The following GSE1 variants were observed in gnomAD, a reference collection of about 807,000 sequenced individuals.
The protein encoded by GSE1 is Gse1 coiled-coil protein.
Under a neutral mutation model 112.6 loss-of-function variants are expected in GSE1, and 32 were observed. That is an observed-to-expected ratio of 0.28 (90% confidence interval 0.21 to 0.38). GSE1 has a LOEUF of 0.38. Among genes scored for constraint, GSE1 ranks in the 10% least tolerant of loss-of-function variants. The pLI, the probability that GSE1 is intolerant of heterozygous loss-of-function variation, is 1.00. For synonymous variants in GSE1, 1,115 were observed against 735.6 expected, an observed-to-expected ratio of 1.52 and a Z score of -8.35; for missense variants, 2,348 against 1,699.2, an observed-to-expected ratio of 1.38 and a Z score of -6.71.
chr16:85,308,035 G>A (rs1018822268), intron 1 of GSE1, among the ~76,000 whole-genome samples: 2 of 152,202 alleles, frequency 1.3e-5, no homozygotes, highest in African/African-American at 2.4e-5. Context: ...TGCCGGCAGC[G>A]TGGACAGCTT....
At chr16:85,388,033 T>TGGATGAAC (rs1299642460) in intron 2 of GSE1, among the ~76,000 whole-genome samples, 15 of 81,312 alleles carry the variant, frequency 1.8e-4, no homozygotes, top group Non-Finnish European at 3.0e-4. Flanking sequence ...GATGGATGGA[T>TGGATGAAC]GAACAGATGG....
intron 2 of GSE1, among the ~76,000 whole-genome samples, chr16:85,359,661 A>T (rs1183887481): frequency 6.6e-6 from 1 of 152,186 alleles, no homozygotes; most frequent in East Asian, 1.9e-4. Flanking sequence ...GTCCTCCTCC[A>T]TCAGTGAAAC....
chr16:85,610,371 G>T (rs575036907), upstream of GSE1, among the ~76,000 whole-genome samples: 1 of 152,228 alleles, frequency 6.6e-6, no homozygotes, highest in Non-Finnish European at 1.5e-5. Context: ...CTATCTGGGG[G>T]CGCGGGGCTG....
intron 2 of GSE1, among the ~76,000 whole-genome samples, chr16:85,547,144 C>T (rs987525039): frequency 2.0e-5 from 3 of 152,188 alleles, no homozygotes; most frequent in Non-Finnish European, 4.4e-5. Context: ...CCAGCTGTGG[C>T]CCAAGGCATG....
intron 1 of GSE1, among the ~76,000 whole-genome samples, chr16:85,335,762 A>G (rs2046469187): frequency 6.6e-6 from 1 of 152,178 alleles, no homozygotes; most frequent in Admixed American, 6.5e-5. Context: ...AGCCATGTCC[A>G]TTTCGGAGTT....
intron 1 of GSE1, among the ~76,000 whole-genome samples, chr16:85,172,884 G>A (rs751258144): frequency 2.0e-4 from 30 of 152,212 alleles, no homozygotes; most frequent in Non-Finnish European, 3.8e-4. Flanking sequence ...GGCTGCACCC[G>A]GGAAGTGCGC....
rs148663856 is a variant in GSE1 at position 85,317,771 on chromosome 16, G to A, written c.2284-39692G>A. On this transcript the variant is annotated intron_variant, in intron 1 of 2. Coordinates refer to the GSE1 transcript ENST00000637419. ...CTTTCCTGCCGCGCTGCCCACCAGT[G>A]TATCCAGCACTCCCCTCCTAAGTGT... Among the ~76,000 whole-genome samples, 424 of 152,296 alleles carry A rather than the reference G, an allele frequency of 2.8e-3. 2 individuals carry two copies. The highest frequency in any genetic ancestry group is 9.7e-3 in the African/African-American group (404 of 41,564).
chr16:85,517,094 G>A (rs1333711994), intron 2 of GSE1, among the ~76,000 whole-genome samples: 2 of 152,234 alleles, frequency 1.3e-5, no homozygotes, highest in Admixed American at 6.5e-5. Flanking sequence ...ACCGCGCCCG[G>A]CCATGTCTTG....
rs534379088 is a variant in GSE1, at chr16:85,180,652, T to C, written c.2283+8845T>C. On this transcript the variant is annotated intron_variant, in intron 1 of 2. Transcript: ENST00000637419. ...TGGAGGCACAGAGAGGTTAAGTCAC[T>C]TGCCCAAAGTCACACAGTGGGGAAG... Among the ~76,000 whole-genome samples, 5 of 152,290 alleles carry C rather than the reference T, an allele frequency of 3.3e-5. No homozygotes were observed. In the East Asian group the frequency reaches 9.7e-4, roughly 29 times the overall value.
intron 1 of GSE1, among the ~76,000 whole-genome samples, chr16:85,575,800 G>A (rs1325580298): frequency 1.3e-5 from 2 of 151,922 alleles, no homozygotes; most frequent in Admixed American, 1.3e-4. Flanking sequence ...CTGCTTAATT[G>A]TAGAGATCGC....
intron 1 of GSE1, among the ~76,000 whole-genome samples, chr16:85,238,647 G>T (rs941471005): frequency 6.6e-6 from 1 of 152,202 alleles, no homozygotes; most frequent in African/African-American, 2.4e-5. Flanking sequence ...CGGAGCTGGG[G>T]TAGAGGAAGG....
intron 1 of GSE1, among the ~76,000 whole-genome samples, chr16:85,599,806 A>G (rs1478380471): frequency 1.3e-5 from 2 of 152,188 alleles, no homozygotes; most frequent in Admixed American, 1.3e-4. Flanking sequence ...AAGCTGAGGC[A>G]GGAGGATTAC....
Position 85,399,741 on chromosome 16 carries a change from G to A in GSE1, c.2464+42098G>A, listed in dbSNP as rs577960912. On this transcript the variant is annotated intron_variant, in intron 2 of 2. Transcript: ENST00000637419. The stretch of plus-strand genomic sequence containing the variant: ...ACGGGCAAGGATACCTACACTTGGC[G>A]GGGTGCACATTCTGCTGAGTTCGGG... Among the ~76,000 whole-genome samples, 231 of 152,362 alleles carry A rather than the reference G, an allele frequency of 1.5e-3. 4 individuals are homozygous for A. The highest frequency in any genetic ancestry group is 0.015 in the South Asian group (72 of 4,832).
chr16:85,616,125 C>T (rs1372660563), intron 1 of GSE1, among the ~76,000 whole-genome samples: 1 of 152,254 alleles, frequency 6.6e-6, no homozygotes, highest in Admixed American at 6.5e-5. Flanking sequence ...TGCACAGCGC[C>T]ACTCTGTGGC....
chr16:85,564,743 G>A (rs2045665339), intron 1 of GSE1, among the ~76,000 whole-genome samples: 1 of 152,196 alleles, frequency 6.6e-6, no homozygotes, highest in South Asian at 2.1e-4. Flanking sequence ...AGGAACAGTA[G>A]GAGAGAATGT....
At chr16:85,284,402 C>T (rs1186646293) in intron 1 of GSE1, among the ~76,000 whole-genome samples, 1 of 152,202 alleles carries the variant, frequency 6.6e-6, no homozygotes, top group African/African-American at 2.4e-5. Context: ...TCGGCGAGGA[C>T]TCTGGGAGGT....
rs201743158 is a variant in GSE1 at position 85,590,512 on chromosome 16, AGT to A, written c.37+34159_37+34160del. ...GAACGCATGGGCCTGTGTGTGAATG[AGT>A]GTGTGTGTGATTGTGTGAGCATGTG... On this transcript the variant is annotated intron_variant, in intron 1 of 2. Coordinates refer to the GSE1 transcript ENST00000635906. Among the ~76,000 whole-genome samples the A allele has an allele frequency of 3.4e-3, 374 of 109,592 alleles. 1 individual carries two copies. Among genetic ancestry groups the A allele is most frequent in the Middle Eastern group, 0.027 (3 of 110 alleles). 71.9% of individuals were successfully genotyped at this position (109,592 alleles called of 152,430 possible).
intron 2 of GSE1, among the ~76,000 whole-genome samples, chr16:85,443,103 G>A (rs2049420608): frequency 1.3e-5 from 2 of 152,230 alleles, no homozygotes; most frequent in Non-Finnish European, 2.9e-5. Flanking sequence ...TGACATCTGC[G>A]AAGATCCTCT....
At chr16:85,338,114 C>A (rs868664229) in intron 1 of GSE1, among the ~76,000 whole-genome samples, 4 of 152,232 alleles carry the variant, frequency 2.6e-5, no homozygotes, top group Non-Finnish European at 5.9e-5. Flanking sequence ...ACCACCTGTC[C>A]TGTTCTTCCC....
Sources: gnomAD v4.1 joint callset for allele counts (sites outside exome capture counted in the v4.1 genomes callset) on GRCh38, gnomAD v4.1.1 for gene constraint, MANE v1.5 for transcripts, NCBI Gene and HGNC (gene_info 2026-07-23, HGNC 2026-07-21) for gene names.